The following FAM110B variants were observed in gnomAD, a reference collection of about 807,000 sequenced individuals.
FAM110B encodes the protein protein FAM110B.
FAM110B carries 6 observed loss-of-function variants against 20.4 expected under a neutral mutation model. The observed-to-expected ratio is 0.29, with a 90% CI of 0.16 to 0.58. FAM110B has a LOEUF of 0.58. FAM110B is among the 20% of genes least tolerant of loss of function. The probability of loss-of-function intolerance (pLI) is 0.90; values close to 1 mark genes in which losing one functional copy is unlikely to be tolerated. For synonymous variants in FAM110B, 226 were observed against 214.1 expected (o/e 1.06, Z -0.49); for missense variants, 434 against 498.2 (o/e 0.87, Z 1.23).
At chr8:58,097,628 T>A (rs1649536943) in intron 3 of FAM110B, among the ~76,000 whole-genome samples, 1 of 152,236 alleles carries the variant, frequency 6.6e-6, no homozygotes, top group African/African-American at 2.4e-5. Context: ...AGAGGCGTTC[T>A]GGTTTTTGGA....
At chr8:58,129,464 G>A (rs114900357) in intron 3 of FAM110B, among the ~76,000 whole-genome samples, 1,694 of 152,300 alleles carry the variant, frequency 0.011, 28 homozygotes, top group African/African-American at 0.038. Flanking sequence ...AGCTGCCTCC[G>A]TTCTCCAGTC....
intron 3 of FAM110B, among the ~76,000 whole-genome samples, chr8:58,112,253 C>CA (rs1807075949): frequency 6.6e-6 from 1 of 152,152 alleles, no homozygotes; most frequent in Admixed American, 6.5e-5. Context: ...CGCTTGAACC[C>CA]AGGAGGCGGA....
chr8:58,119,197 G>A (rs759588062), intron 3 of FAM110B, among the ~76,000 whole-genome samples: 1 of 152,102 alleles, frequency 6.6e-6, no homozygotes, highest in Non-Finnish European at 1.5e-5. Context: ...GAGTTTAGAG[G>A]GTAACTTAGT....
intron 3 of FAM110B, among the ~76,000 whole-genome samples, chr8:58,085,390 G>A (rs912692635): frequency 1.3e-5 from 2 of 152,164 alleles, no homozygotes; most frequent in Non-Finnish European, 2.9e-5. Context: ...GCGGGTGCCT[G>A]TAATCCCAGC....
In FAM110B at chr8:58,075,273, T is replaced by TGTGTG. The variant is rs58047108; in HGVS notation, c.-413-262_-413-261insGTGTG. Among the ~76,000 whole-genome samples the TGTGTG allele has an allele frequency of 1.2e-4, 17 of 145,076 alleles. No homozygotes were observed. The East Asian group carries it at 2.4e-3, about 20-fold the overall frequency. On this transcript the variant is annotated intron_variant, in intron 2 of 3. Transcript: ENST00000519262. ...TGAACTAATTTTTGCTTTTTTTTTT[T>TGTGTG]TTTGTGTGTGTGTGTGTGTGTGTTT...
intron 2 of FAM110B, among the ~76,000 whole-genome samples, chr8:58,052,949 C>A (rs553821785): frequency 9.9e-4 from 144 of 146,074 alleles, no homozygotes; most frequent in African/African-American, 3.4e-3. Context: ...CCACGCCCGG[C>A]TAATTTTTTG....
intron 2 of FAM110B, among the ~76,000 whole-genome samples, chr8:58,059,937 T>C (rs1486351320): frequency 6.6e-6 from 1 of 152,160 alleles, no homozygotes; most frequent in East Asian, 1.9e-4. Context: ...GGTCAGCGTT[T>C]ACTAATTTTT....
chr8:58,059,140 A>G (rs778211893), intron 2 of FAM110B, among the ~76,000 whole-genome samples: 1 of 152,206 alleles, frequency 6.6e-6, no homozygotes, highest in Non-Finnish European at 1.5e-5. Flanking sequence ...TTATTGGTGA[A>G]TAATATCCAT....
At chr8:58,144,745 C>A (rs950203215) in intron 3 of FAM110B, among the ~76,000 whole-genome samples, 5 of 152,148 alleles carry the variant, frequency 3.3e-5, no homozygotes, top group African/African-American at 1.2e-4. Flanking sequence ...GGTCATTAGC[C>A]CCTTGCTTTG....
chr8:58,088,839 G>A (rs2150602046), intron 3 of FAM110B, among the ~76,000 whole-genome samples: 1 of 152,204 alleles, frequency 6.6e-6, no homozygotes, highest in East Asian at 1.9e-4. Context: ...GGTGCAACAT[G>A]TACACCAACT....
In FAM110B at chr8:58,114,919, G is replaced by A. The variant is rs112081602; in HGVS notation, c.-324-30988G>A. Among the ~76,000 whole-genome samples the A allele has an allele frequency of 8.8e-3, 1,338 of 152,202 alleles. 9 individuals carry two copies. Among genetic ancestry groups the A allele is most frequent in the Non-Finnish European group, 0.014 (938 of 68,006 alleles). On this transcript the variant is annotated intron_variant, in intron 3 of 3. Transcript: ENST00000519262. The stretch of plus-strand genomic sequence containing the variant: ...CCGTGTTGTGTTGCCCTCTGATGAA[G>A]GGCAGCAAGGGAGATGGTCTTCGCT...
intron 3 of FAM110B, among the ~76,000 whole-genome samples, chr8:58,142,763 A>C (rs1803770453): frequency 6.6e-6 from 1 of 152,238 alleles, no homozygotes. Context: ...TCCCACCCTC[A>C]GGCTGTGTTC....
intron 1 of FAM110B, among the ~76,000 whole-genome samples, chr8:58,010,880 G>T (rs762204281): frequency 6.6e-6 from 1 of 152,232 alleles, no homozygotes; most frequent in East Asian, 1.9e-4. Context: ...CTACAGCTAC[G>T]GTGGAAAGCT....
Position 58,014,026 on chromosome 8 carries a change from G to A in FAM110B, c.-511-17580G>A, listed in dbSNP as rs571697197. ...GCACTAAGACGTGGCATCTGCTTGT[G>A]ATGATCATGCTTTTGTCATCCGTTC... is the stretch of plus-strand genomic sequence containing the variant. On this transcript the variant is annotated intron_variant, in intron 1 of 3. Coordinates refer to ENST00000519262, the MANE Select transcript of FAM110B (RefSeq NM_001377989.1). Among the ~76,000 whole-genome samples, 13 of 152,236 alleles carry A rather than the reference G, an allele frequency of 8.5e-5. 1 individual carries two copies. The highest frequency in any genetic ancestry group is 2.9e-4 in the African/African-American group (12 of 41,542).
intron 2 of FAM110B, chr8:58,043,050 T>C (rs1805251791): frequency 6.6e-6 from 1 of 152,192 alleles, no homozygotes; most frequent in Non-Finnish European, 1.5e-5. Flanking sequence ...TTAGCTGATA[T>C]TTAAAGAATA....
At chr8:58,119,971 C>T (rs1331747972) in intron 3 of FAM110B, among the ~76,000 whole-genome samples, 1 of 152,156 alleles carries the variant, frequency 6.6e-6, no homozygotes, top group East Asian at 1.9e-4. Flanking sequence ...AGCCACAGAG[C>T]CCAGGGCCAA....
At chr8:58,060,412 A>C (rs1365556001) in intron 2 of FAM110B, among the ~76,000 whole-genome samples, 2 of 152,248 alleles carry the variant, frequency 1.3e-5, no homozygotes, top group Non-Finnish European at 2.9e-5. Flanking sequence ...GTATGAAGGC[A>C]TGAGTGAGCA....
At chr8:58,075,137 G>A (rs1027839683) in intron 2 of FAM110B, among the ~76,000 whole-genome samples, 13 of 151,126 alleles carry the variant, frequency 8.6e-5, no homozygotes, top group South Asian at 4.2e-4. Flanking sequence ...ACAGAGTCTC[G>A]CTCTGTCACC....
rs1316498942 is a variant in FAM110B at position 58,146,764 on chromosome 8, C to T, written c.534C>T (p.Gly178=). 6.2e-7 allele frequency: 1 copy of T among 1,611,762 alleles called. No homozygotes were observed. The highest frequency in any genetic ancestry group is 8.5e-7 in the Non-Finnish European group (1 of 1,178,896). Residue 178 remains glycine, a synonymous_variant, in exon 4 of 4, where the codon GGC becomes GGT. Transcript: ENST00000519262. Reference sequence around the variant, plus strand: ...GCCGCAGGAGCCCGCAGGAGGGCGGCTCCCACGTGGGCAGGAGACTGCTGG... The same window carrying T: ...GCCGCAGGAGCCCGCAGGAGGGCGGTTCCCACGTGGGCAGGAGACTGCTGG... ...TQGRRSPQEG[G]SHVGRRLLEQ...
Sources: allele counts gnomAD v4.1 joint callset (sites outside exome capture counted in the v4.1 genomes callset), GRCh38; gene constraint gnomAD v4.1.1; transcripts MANE v1.5; gene names NCBI Gene and HGNC (gene_info 2026-07-23, HGNC 2026-07-21).